The following IQSEC1 variants were observed in gnomAD, a reference collection of about 807,000 sequenced individuals.
IQSEC1 encodes the protein IQ motif and SEC7 domain-containing protein 1.
A neutral mutation model predicts 91.0 loss-of-function variants in IQSEC1; 31 were observed. That is an observed-to-expected ratio of 0.34 (90% CI 0.26 to 0.46). The LOEUF (loss-of-function observed/expected upper bound fraction) is 0.46. IQSEC1 is among the 20% of genes least tolerant of loss of function. The probability of loss-of-function intolerance (pLI) is 1.00; values close to 1 mark genes in which losing one functional copy is unlikely to be tolerated. For synonymous variants in IQSEC1, 699 were observed against 662.6 expected (o/e 1.05, Z -0.84); for missense variants, 1,388 against 1,575.6 (o/e 0.88, Z 2.02).
intron 2 of IQSEC1, among the ~76,000 whole-genome samples, chr3:13,099,975 C>T (rs1428016711): frequency 9.0e-5 from 11 of 122,504 alleles, no homozygotes; most frequent in East Asian, 5.8e-4. Context: ...GAGAGGAGGT[C>T]GGAGGTGACG....
At chr3:13,205,025 C>T (rs1009722370) in intron 1 of IQSEC1, among the ~76,000 whole-genome samples, 3 of 151,724 alleles carry the variant, frequency 2.0e-5, no homozygotes, top group African/African-American at 2.4e-5. Context: ...CTCGAACTCC[C>T]GACCTCAGGT....
At chr3:12,946,308 G>A (rs1388480942) in intron 1 of IQSEC1, among the ~76,000 whole-genome samples, 1 of 152,214 alleles carries the variant, frequency 6.6e-6, no homozygotes, top group Non-Finnish European at 1.5e-5. Context: ...ACACACCAGT[G>A]TGAGTCCTTA....
Position 12,945,338 on chromosome 3 carries a change from G to A in IQSEC1, c.24-3473C>T, listed in dbSNP as rs139827193. Among the ~76,000 whole-genome samples, 268 of 152,030 alleles carry A rather than the reference G, an allele frequency of 1.8e-3. 1 individual carries two copies. The highest frequency in any genetic ancestry group is 3.5e-3 in the Admixed American group (54 of 15,288). ...GTCCAGAACATGCTTGGGAGTGGCC[G>A]GGCCTCCCTCTCCAGGAAGGGAAGG... is the stretch of plus-strand genomic sequence containing the variant. On this transcript the variant is annotated intron_variant, in intron 1 of 13. Transcript: ENST00000613206.
intron 1 of IQSEC1, among the ~76,000 whole-genome samples, chr3:13,184,882 G>A (rs933259241): frequency 9.9e-5 from 15 of 152,186 alleles, no homozygotes; most frequent in African/African-American, 2.4e-4. Flanking sequence ...GGTGTGGGGC[G>A]TCAGGGGACA....
intron 5 of IQSEC1, among the ~76,000 whole-genome samples, chr3:12,921,761 G>C (rs545483815): frequency 6.6e-6 from 1 of 152,252 alleles, no homozygotes; most frequent in Admixed American, 6.5e-5. Context: ...AGATGGACTT[G>C]TGGATGAATG....
intron 1 of IQSEC1, among the ~76,000 whole-genome samples, chr3:12,998,675 G>A (rs1312316574): frequency 6.6e-6 from 1 of 152,046 alleles, no homozygotes; most frequent in African/African-American, 2.4e-5. Flanking sequence ...AAAAGAGGGG[G>A]TATAGAATAT....
chr3:13,015,470 A>G, intron 1 of IQSEC1: 1 of 673,200 alleles, frequency 1.5e-6, no homozygotes, highest in Non-Finnish European at 1.8e-6. Flanking sequence ...CTCTGACGAC[A>G]GCCCCCAAGA....
At chr3:13,088,513 C>T (rs1007556076) in intron 2 of IQSEC1, among the ~76,000 whole-genome samples, 3 of 152,072 alleles carry the variant, frequency 2.0e-5, no homozygotes, top group African/African-American at 7.2e-5. Flanking sequence ...GTTCCTGTCG[C>T]CCTCCCCGCT....
rs1698069603 is a variant in IQSEC1, at chr3:12,935,330, A to G, written c.1568+118T>C. 4.0e-6 allele frequency: 4 copies of G among 997,586 alleles called. No individual in the cohort carries two copies. The highest frequency in any genetic ancestry group is 5.9e-6 in the Non-Finnish European group (4 of 677,568). 61.8% of individuals were successfully genotyped at this position (997,586 alleles called of 1,614,324 possible). ...CACCGACCTTGTGTGGCAGCTTCCT[A>G]TGCTCATAGGCCACGGTGGACCTCA... On this transcript the variant is annotated intron_variant, in intron 3 of 13. Transcript: ENST00000613206. The surrounding 1 kb of genome is among the most constrained non-coding windows in gnomAD (Gnocchi z 8.0).
At chr3:13,038,262 G>GTGTATA (rs1491471643) in intron 1 of IQSEC1, among the ~76,000 whole-genome samples, 72 of 101,204 alleles carry the variant, frequency 7.1e-4, no homozygotes, top group Non-Finnish European at 1.1e-3. Flanking sequence ...GTGTGTGTGT[G>GTGTATA]TATATATATA....
At position 13,169,485 on chromosome 3, in the gene IQSEC1, G is replaced by A. The variant is rs149549198; in HGVS notation, c.273-5352C>T. On this transcript the variant is annotated intron_variant, in intron 1 of 15. Transcript: ENST00000648114. Reference sequence around the variant, plus strand: ...CTGTAGACACCAAAAATGTGGAAGCGACTTTGGAACCAGGTAACAGACACG... The same window carrying A: ...CTGTAGACACCAAAAATGTGGAAGCAACTTTGGAACCAGGTAACAGACACG... Among the ~76,000 whole-genome samples, 906 of 152,346 alleles carry A rather than the reference G, an allele frequency of 5.9e-3. 1 individual carries two copies. Among genetic ancestry groups the A allele is most frequent in the Non-Finnish European group, 9.7e-3 (659 of 68,032 alleles).
intron 1 of IQSEC1, among the ~76,000 whole-genome samples, chr3:13,180,729 G>A (rs1184542092): frequency 6.7e-6 from 1 of 150,010 alleles, no homozygotes; most frequent in Non-Finnish European, 1.5e-5. Flanking sequence ...GAGCCCACCG[G>A]GAGGAACGAA....
chr3:12,931,199 G>T (rs1282259051), intron 3 of IQSEC1, among the ~76,000 whole-genome samples: 1 of 152,070 alleles, frequency 6.6e-6, no homozygotes, highest in Non-Finnish European at 1.5e-5. Flanking sequence ...TCAGACCCAG[G>T]CCAGGGCTCG....
chr3:13,090,712 T>C (rs1019184723), intron 2 of IQSEC1, among the ~76,000 whole-genome samples: 1 of 152,212 alleles, frequency 6.6e-6, no homozygotes, highest in Non-Finnish European at 1.5e-5. Context: ...TAAAGGGACT[T>C]TGCTGGGCTT....
chr3:13,249,858 A>G (rs952556636), intron 1 of IQSEC1, among the ~76,000 whole-genome samples: 1 of 152,226 alleles, frequency 6.6e-6, no homozygotes, highest in Non-Finnish European at 1.5e-5. Context: ...CCAGGCACTC[A>G]GCCATGTGAA....
intron 2 of IQSEC1, among the ~76,000 whole-genome samples, chr3:13,109,766 C>T (rs1436066121): frequency 6.6e-6 from 1 of 151,110 alleles, no homozygotes; most frequent in Non-Finnish European, 1.5e-5. Flanking sequence ...CCCGTATAGC[C>T]TGCAGAACCA....
intron 1 of IQSEC1, among the ~76,000 whole-genome samples, chr3:13,212,770 T>C (rs907599641): frequency 5.3e-4 from 81 of 152,252 alleles, no homozygotes; most frequent in Admixed American, 3.3e-4. Context: ...TGGTGGCTAA[T>C]GATGGCAAGC....
intron 2 of IQSEC1, among the ~76,000 whole-genome samples, chr3:13,079,675 C>T (rs1705619367): frequency 1.3e-5 from 2 of 152,218 alleles, no homozygotes; most frequent in African/African-American, 4.8e-5. Flanking sequence ...CACCGGAGCC[C>T]TGGGCCAGCC....
intron 1 of IQSEC1, among the ~76,000 whole-genome samples, chr3:13,203,459 T>A (rs1178212307): frequency 2.0e-5 from 3 of 152,108 alleles, no homozygotes; most frequent in Non-Finnish European, 4.4e-5. Flanking sequence ...CAAATTCCTG[T>A]AGTGGGCACC....
Sources: gnomAD v4.1 joint callset for allele counts (sites outside exome capture counted in the v4.1 genomes callset) on GRCh38, gnomAD v4.1.1 for gene constraint, Gnocchi (gnomAD v3.1) non-coding constraint, MANE v1.5 for transcripts, NCBI Gene and HGNC (gene_info 2026-07-23, HGNC 2026-07-21) for gene names.